Variants in DNAH3 observed in about 807,000 individuals in gnomAD.
The protein encoded by DNAH3 is axonemal beta dynein heavy chain 3.
DNAH3 carries 332 observed loss-of-function variants against 432.5 expected under a neutral mutation model. The observed-to-expected ratio is 0.77, with a 90% CI of 0.70 to 0.84. The LOEUF is 0.84. Ranked by LOEUF, DNAH3 falls within the 40% of genes least tolerant of loss-of-function variation. The pLI is 0.00. For synonymous variants in DNAH3, 1,956 were observed against 1,900.2 expected (o/e 1.03, Z -0.76); for missense variants, 4,861 against 5,114.0 (o/e 0.95, Z 1.51).
intron 19 of DNAH3, among the ~76,000 whole-genome samples, chr16:21,084,776 T>A (rs566948643): frequency 3.9e-4 from 59 of 152,160 alleles, no homozygotes; most frequent in African/African-American, 1.4e-3. Flanking sequence ...CTTGGCCTGG[T>A]TGGGATTTTC....
intron 17 of DNAH3, 23 bp from the exon 18 acceptor site, chr16:21,097,522 G>C: frequency 6.2e-7 from 1 of 1,610,708 alleles, no homozygotes; most frequent in Non-Finnish European, 8.5e-7. Flanking sequence ...AGGAGATGCT[G>C]TTTATGGGAT....
At chr16:21,020,010 C>A in intron 40 of DNAH3, 141 bp from the exon 41 acceptor site, 20 of 825,768 alleles carry the variant, frequency 2.4e-5, no homozygotes, top group Non-Finnish European at 3.4e-5. Flanking sequence ...CCTACCAGAT[C>A]ATTTCACATG....
In DNAH3 at chr16:21,134,267, CCA is replaced by C; in HGVS notation, c.1072_1073del (p.Trp358ValfsTer71). ...AGGGAGGGACTTCTTACTCTGCAAA[CCA>C]CAGTTCTTTCAGCCTGAGCATCATG... On this transcript the variant is annotated frameshift_variant, in exon 7 of 62. Coordinates refer to ENST00000261383, the Ensembl canonical transcript of DNAH3. LOFTEE classifies it high-confidence loss of function. The C allele has an allele frequency of 6.2e-7, 1 of 1,610,666 alleles. No individual in the cohort carries two copies. The highest frequency in any genetic ancestry group is 1.1e-5 in the South Asian group (1 of 90,198).
chr16:20,936,244 C>A (rs2083585490), intron 60 of DNAH3, among the ~76,000 whole-genome samples: 2 of 151,872 alleles, frequency 1.3e-5, no homozygotes, highest in Non-Finnish European at 2.9e-5. Context: ...CCTCTGCCTC[C>A]CAGGTTCAAG....
intron 1 of DNAH3, among the ~76,000 whole-genome samples, chr16:21,154,125 C>T (rs942410355): frequency 6.6e-6 from 1 of 152,218 alleles, no homozygotes; most frequent in Non-Finnish European, 1.5e-5. Flanking sequence ...AGAATGGGGC[C>T]AGGCGCGGTG....
chr16:21,107,796 A>G (rs993629871), intron 14 of DNAH3, among the ~76,000 whole-genome samples: 13 of 152,228 alleles, frequency 8.5e-5, no homozygotes, highest in African/African-American at 2.7e-4. Flanking sequence ...CTCCTAGCAC[A>G]GAGTGGCCCT....
rs2152594538 is a variant in DNAH3 at position 20,954,667 on chromosome 16, GT to G, written c.11071+145del. 3.4e-6 allele frequency: 3 copies of G among 877,966 alleles called. No individual in the cohort carries two copies. The East Asian group carries it at 7.3e-5, about 21-fold the overall frequency. The allele number at this position is 877,966 out of a possible 1,614,324, so 54.4% of individuals were successfully genotyped here. A position where few individuals can be genotyped will look rare whatever the true frequency, so the allele number is the denominator to read the frequency against. On this transcript the variant is annotated intron_variant, in intron 55 of 61. Coordinates refer to ENST00000261383, the Ensembl canonical transcript of DNAH3. ...ATAATAAATCATTTAGTATAAGTAT[GT>G]TCCAAATATTGCCTGGAAAATATTT...
chr16:20,963,942 G>A (rs748161646), exon 53 of DNAH3: 39 of 1,614,138 alleles, frequency 2.4e-5, no homozygotes, highest in South Asian at 3.3e-5. Context: ...ACATCGGCTC[G>A]ATGTTGGCCA....
At chr16:20,981,762 C>T (rs1450795781) in intron 49 of DNAH3, among the ~76,000 whole-genome samples, 4 of 151,664 alleles carry the variant, frequency 2.6e-5, no homozygotes, top group African/African-American at 9.7e-5. Flanking sequence ...ATAAAATAAA[C>T]AATGATTGAA....
At chr16:21,082,166 G>C (rs1219084594) in intron 19 of DNAH3, among the ~76,000 whole-genome samples, 1 of 151,914 alleles carries the variant, frequency 6.6e-6, no homozygotes, top group Non-Finnish European at 1.5e-5. Flanking sequence ...TCCCAAAGTA[G>C]TCACATTACA....
At chr16:20,955,439 ACT>A (rs1180065217) in intron 54 of DNAH3, among the ~76,000 whole-genome samples, 3 of 149,062 alleles carry the variant, frequency 2.0e-5, no homozygotes, top group Non-Finnish European at 3.0e-5. Context: ...TGAACTCAGG[ACT>A]CTCTGACTCC....
intron 31 of DNAH3, among the ~76,000 whole-genome samples, chr16:21,048,858 T>C (rs2152741563): frequency 6.6e-6 from 1 of 152,200 alleles, no homozygotes; most frequent in South Asian, 2.1e-4. Flanking sequence ...CATGCCCAGC[T>C]GATTTTTATA....
chr16:20,980,461 C>A (rs1251299183), intron 49 of DNAH3, among the ~76,000 whole-genome samples: 1 of 150,886 alleles, frequency 6.6e-6, no homozygotes, highest in Non-Finnish European at 1.5e-5. Flanking sequence ...TAGCCTTAAC[C>A]TCCCTGGCTC....
At chr16:21,093,958 C>A (rs1263590503) in intron 18 of DNAH3, among the ~76,000 whole-genome samples, 1 of 152,022 alleles carries the variant, frequency 6.6e-6, no homozygotes, top group Non-Finnish European at 1.5e-5. Flanking sequence ...CACAAAAAAT[C>A]TAGAAGAAAA....
intron 55 of DNAH3, among the ~76,000 whole-genome samples, chr16:20,954,242 C>T (rs1199801596): frequency 1.4e-4 from 20 of 142,700 alleles, no homozygotes; most frequent in Admixed American, 2.8e-4. Context: ...AAAAAAAATT[C>T]GTTGTATGAA....
intron 51 of DNAH3, among the ~76,000 whole-genome samples, chr16:20,974,798 G>A (rs1037469291): frequency 8.6e-5 from 13 of 150,798 alleles, no homozygotes; most frequent in African/African-American, 3.2e-4. Flanking sequence ...GCTATGTGAT[G>A]CTGGGAGAGT....
chr16:21,028,206 A>G (rs894093808), intron 37 of DNAH3, among the ~76,000 whole-genome samples: 9 of 151,922 alleles, frequency 5.9e-5, no homozygotes, highest in African/African-American at 2.2e-4. Context: ...TCCATAATAT[A>G]TTTTTTAAAA....
In DNAH3 at chr16:21,113,169, G is replaced by C. The variant is rs551970689; in HGVS notation, c.1815-1071C>G. 5.8e-4 allele frequency among the ~76,000 whole-genome samples: 88 copies of C among 152,252 alleles called. 1 individual carries two copies. The highest frequency in any genetic ancestry group is 2.0e-3 in the African/African-American group (84 of 41,556). On this transcript the variant is annotated intron_variant, in intron 12 of 61. Transcript: ENST00000261383. ...AGGGGCAAAATGATATGGTTTGGCT[G>C]TGTCTCCACCAAATCTCAACTTGAA...
intron 61 of DNAH3, 87 bp from the exon 62 acceptor site, chr16:20,933,594 A>G (rs2083485965): frequency 1.8e-6 from 2 of 1,088,426 alleles, no homozygotes; most frequent in Non-Finnish European, 2.6e-6. Context: ...TGATACTCAA[A>G]GTGCAACCTG....
Sources: allele counts gnomAD v4.1 joint callset (sites outside exome capture counted in the v4.1 genomes callset), GRCh38; gene constraint gnomAD v4.1.1; transcripts MANE v1.5; gene names NCBI Gene and HGNC (gene_info 2026-07-23, HGNC 2026-07-21).